Variants in SSPN observed in about 807,000 individuals in gnomAD.
SSPN encodes the protein K-ras oncogene-associated protein.
Under a neutral mutation model 19.1 loss-of-function variants are expected in SSPN, and 15 were observed. That is an observed-to-expected ratio of 0.78 (90% CI 0.52 to 1.21). The LOEUF (loss-of-function observed/expected upper bound fraction) is 1.21, where lower values mean the gene tolerates loss of function less well. Ranked by LOEUF, SSPN falls within the 50% of genes most tolerant of loss-of-function variation. The probability of loss-of-function intolerance (pLI) is 0.00; values close to 1 mark genes in which losing one functional copy is unlikely to be tolerated. For missense variants in SSPN, 291 were observed against 314.0 expected (o/e 0.93, Z 0.55); for synonymous variants, 147 against 140.3 (o/e 1.05, Z -0.34).
At chr12:26,208,346 G>A (rs1944950681) in intron 1 of SSPN, among the ~76,000 whole-genome samples, 1 of 151,970 alleles carries the variant, frequency 6.6e-6, no homozygotes, top group Admixed American at 6.5e-5. Context: ...TTGCATTTTG[G>A]TGTTGCTACT....
Position 26,230,857 on chromosome 12 carries a change from G to T in SSPN, c.513G>T (p.Pro171=). 2 of 1,614,102 alleles carry T rather than the reference G, an allele frequency of 1.2e-6. No individual in the cohort carries two copies. Among genetic ancestry groups the T allele is most frequent in the Middle Eastern group, 3.3e-4 (2 of 6,062 alleles). The change falls in exon 3 of 3, where the codon CCG becomes CCT. Residue 171 remains proline, a synonymous_variant. Coordinates refer to ENST00000242729, the MANE Select transcript of SSPN (RefSeq NM_005086.5). ...AGTGCAAACTGCCCTCCTCGGAGCCGCTCAGCAGGACCTTTGTTTACCGGG... is the reference window on the plus strand; with the variant it reads ...AGTGCAAACTGCCCTCCTCGGAGCCTCTCAGCAGGACCTTTGTTTACCGGG... ...SCQCKLPSSE[P]LSRTFVYRDV... is the part of the protein sequence containing the mutation.
Position 26,131,416 on chromosome 12 carries a change from G to A in SSPN, c.-31+9264G>A, listed in dbSNP as rs868363689. ...AGCAGACCTGTCCTGTGGTTGTCCT[G>A]TCCCTGCAGCTGTGCCTTCTGCCTC... On this transcript the variant is annotated intron_variant, in intron 1 of 2. Transcript: ENST00000538142. Among the ~76,000 whole-genome samples, 3 of 152,356 alleles carry A rather than the reference G, an allele frequency of 2.0e-5. No homozygotes were observed. In the Middle Eastern group the frequency reaches 0.01, roughly 518 times the overall value.
At chr12:26,213,541 C>A (rs1591886568) in intron 1 of SSPN, among the ~76,000 whole-genome samples, 1 of 151,854 alleles carries the variant, frequency 6.6e-6, no homozygotes, top group East Asian at 1.9e-4. Flanking sequence ...TGTAATACTT[C>A]ACAGTTCCCT....
intron 1 of SSPN, chr12:26,122,700 T>A: frequency 6.4e-7 from 1 of 1,569,226 alleles, no homozygotes; most frequent in Non-Finnish European, 8.6e-7. Flanking sequence ...CGGCGAGTCC[T>A]CCCCGGGAGG....
At chr12:26,227,563 C>CA (rs1457449579) in intron 2 of SSPN, among the ~76,000 whole-genome samples, 3 of 152,160 alleles carry the variant, frequency 2.0e-5, no homozygotes, top group African/African-American at 7.2e-5. Context: ...TCCCACATGA[C>CA]AAAATAAGAC....
chr12:26,197,280 T>C (rs1161659767), intron 1 of SSPN, among the ~76,000 whole-genome samples: 1 of 152,222 alleles, frequency 6.6e-6, no homozygotes, highest in Non-Finnish European at 1.5e-5. Flanking sequence ...TAAGATTATT[T>C]GAATACACAA....
Position 26,230,980 on chromosome 12 carries a change from CT to C in SSPN, c.637del (p.Cys213AlafsTer3). On this transcript the variant is annotated frameshift_variant, in exon 3 of 3. Coordinates refer to ENST00000242729, the MANE Select transcript of SSPN (RefSeq NM_005086.5). LOFTEE classifies it high-confidence loss of function. Reference protein sequence around the residue: ...LVCGLVCLLACFVMWKHRYQV... With the variant: ...LVCGLVCLLAXFVMWKHRYQV... The stretch of plus-strand genomic sequence containing the variant: ...TCTGCGGCCTTGTGTGCTTGTTGGC[CT>C]GCTTTGTGATGTGGAAACATAGGTA... 6.2e-7 allele frequency: 1 copy of C among 1,614,156 alleles called. No individual in the cohort carries two copies. Among genetic ancestry groups the C allele is most frequent in the East Asian group, 2.2e-5 (1 of 44,878 alleles).
chr12:26,201,384 A>G (rs1944883832), intron 1 of SSPN, among the ~76,000 whole-genome samples: 1 of 151,940 alleles, frequency 6.6e-6, no homozygotes, highest in Non-Finnish European at 1.5e-5. Flanking sequence ...TAACAGAAAA[A>G]AAAAAAAAGA....
chr12:26,151,528 T>C (rs983508973), intron 1 of SSPN, among the ~76,000 whole-genome samples: 1 of 152,226 alleles, frequency 6.6e-6, no homozygotes, highest in Admixed American at 6.5e-5. Context: ...ACAAATCATT[T>C]ATTCATTCAA....
chr12:26,178,974 C>T (rs1004283637), intron 1 of SSPN, among the ~76,000 whole-genome samples: 1 of 152,170 alleles, frequency 6.6e-6, no homozygotes, highest in Non-Finnish European at 1.5e-5. Context: ...GAGCTCAGCA[C>T]CCCACAGCTT....
intron 1 of SSPN, chr12:26,125,844 T>G (rs1276516208): frequency 6.6e-6 from 1 of 152,076 alleles, no homozygotes; most frequent in African/African-American, 2.4e-5. Flanking sequence ...CGAGAGGGGC[T>G]ACCACAGAAA....
intron 1 of SSPN, among the ~76,000 whole-genome samples, chr12:26,133,147 C>A (rs2137398208): frequency 6.6e-6 from 1 of 152,314 alleles, no homozygotes; most frequent in South Asian, 2.1e-4. Context: ...GCTCTTTGAC[C>A]TCAGCAGTTC....
intron 1 of SSPN, among the ~76,000 whole-genome samples, chr12:26,196,578 T>G (rs1944832208): frequency 1.3e-5 from 2 of 152,244 alleles, no homozygotes; most frequent in Non-Finnish European, 2.9e-5. Flanking sequence ...CACCGATGGA[T>G]GTACTGTTCT....
chr12:26,164,912 G>A (rs1021190765), intron 1 of SSPN, among the ~76,000 whole-genome samples: 1 of 152,104 alleles, frequency 6.6e-6, no homozygotes, highest in Non-Finnish European at 1.5e-5. Context: ...CTCCTCTTCA[G>A]ACTGATTTCT....
At chr12:26,221,314 G>A (rs1411266484) in intron 1 of SSPN, among the ~76,000 whole-genome samples, 1 of 151,994 alleles carries the variant, frequency 6.6e-6, no homozygotes, top group Non-Finnish European at 1.5e-5. Flanking sequence ...ATTCCTTCTG[G>A]GTATTCCTAT....
At chr12:26,124,806 T>G (rs552612687) in intron 1 of SSPN, 6 of 1,613,670 alleles carry the variant, frequency 3.7e-6, no homozygotes, top group African/African-American at 2.7e-5. Context: ...TTTCCTCTGT[T>G]TCGATTTTTG....
At chr12:26,217,791 G>A in intron 1 of SSPN, among the ~76,000 whole-genome samples, 1 of 151,810 alleles carries the variant, frequency 6.6e-6, no homozygotes, top group East Asian at 1.9e-4. Context: ...ATGAAAGGTT[G>A]TTGAATTTTG....
intron 1 of SSPN, among the ~76,000 whole-genome samples, chr12:26,202,756 C>G (rs1944897649): frequency 6.6e-6 from 1 of 152,056 alleles, no homozygotes; most frequent in Admixed American, 6.6e-5. Flanking sequence ...TGTATTGTGG[C>G]CTGAAGGGTT....
chr12:26,216,072 C>T (rs1020352787), intron 1 of SSPN, among the ~76,000 whole-genome samples: 7 of 152,166 alleles, frequency 4.6e-5, no homozygotes, highest in East Asian at 3.8e-4. Context: ...CGGGGCTTAA[C>T]ACTCTGTAAA....
Sources: gnomAD v4.1 joint callset for allele counts (sites outside exome capture counted in the v4.1 genomes callset) on GRCh38, gnomAD v4.1.1 for gene constraint, MANE v1.5 for transcripts, NCBI Gene and HGNC (gene_info 2026-07-23, HGNC 2026-07-21) for gene names.